Variants in CERKL observed in about 807,000 individuals in gnomAD.
The protein encoded by CERKL is ceramide kinase-like protein.
In CERKL, 61 loss-of-function variants were observed where a neutral mutation model predicts 63.4. That is an observed-to-expected ratio of 0.96 (90% CI 0.78 to 1.19). The LOEUF (loss-of-function observed/expected upper bound fraction) is 1.19, where lower values mean the gene tolerates loss of function less well. CERKL is among the 50% of genes most tolerant of loss of function. CERKL has a pLI of 0.00. For synonymous variants in CERKL, 250 were observed against 230.5 expected, an observed-to-expected ratio of 1.08 and a Z score of -0.77; for missense variants, 675 against 655.5, an observed-to-expected ratio of 1.03 and a Z score of -0.33.
chr2:181,635,761 T>G (rs1687153656), intron 1 of CERKL, among the ~76,000 whole-genome samples: 1 of 152,164 alleles, frequency 6.6e-6, no homozygotes, highest in Non-Finnish European at 1.5e-5. Context: ...AACATGGATA[T>G]TTTAAGAAGT....
At chr2:181,538,971 T>A in intron 12 of CERKL, 121 bp downstream of exon 12, 1 of 759,820 alleles carries the variant, frequency 1.3e-6, no homozygotes, top group South Asian at 1.5e-5. Flanking sequence ...CTTCCCTGAT[T>A]TACTGATTTT....
intron 11 of CERKL, among the ~76,000 whole-genome samples, chr2:181,542,536 T>C (rs897309377): frequency 6.6e-6 from 1 of 152,080 alleles, no homozygotes; most frequent in Non-Finnish European, 1.5e-5. Flanking sequence ...GTGTGGATAA[T>C]TAACAAATCA....
At chr2:181,547,286 G>T (rs904954126) in intron 10 of CERKL, among the ~76,000 whole-genome samples, 1 of 152,146 alleles carries the variant, frequency 6.6e-6, no homozygotes, top group Non-Finnish European at 1.5e-5. Flanking sequence ...AAGTTGGAAA[G>T]CAAAGACATT....
chr2:181,614,940 TA>T, intron 1 of CERKL, among the ~76,000 whole-genome samples: 1 of 152,382 alleles, frequency 6.6e-6, no homozygotes, highest in Non-Finnish European at 1.5e-5. Flanking sequence ...CAAGTTATGA[TA>T]ATTAAATCCT....
chr2:181,605,178 T>C (rs1279874098), intron 1 of CERKL, among the ~76,000 whole-genome samples: 1 of 152,202 alleles, frequency 6.6e-6, no homozygotes, highest in Non-Finnish European at 1.5e-5. Flanking sequence ...ACCTATTGCC[T>C]GCAGAGAATC....
intron 3 of CERKL, among the ~76,000 whole-genome samples, chr2:181,573,309 A>C (rs1688987762): frequency 6.6e-6 from 1 of 152,192 alleles, no homozygotes; most frequent in Admixed American, 6.5e-5. Flanking sequence ...TAAAACCAGC[A>C]GTTCAGTGCT....
At chr2:181,542,304 A>G (rs1333159418) in intron 11 of CERKL, among the ~76,000 whole-genome samples, 2 of 152,222 alleles carry the variant, frequency 1.3e-5, no homozygotes, top group East Asian at 1.9e-4. Flanking sequence ...AGTGTTATAC[A>G]GTAACATTCG....
chr2:181,656,243 G>A (rs1167857514), intron 1 of CERKL, among the ~76,000 whole-genome samples: 2 of 152,016 alleles, frequency 1.3e-5, no homozygotes, highest in East Asian at 3.9e-4. Context: ...GTGAGGGGCA[G>A]AAAAAAACCC....
At chr2:181,570,422 A>G (rs1574459345) in intron 3 of CERKL, among the ~76,000 whole-genome samples, 1 of 152,188 alleles carries the variant, frequency 6.6e-6, no homozygotes, top group African/African-American at 2.4e-5. Flanking sequence ...TATCTGTCAC[A>G]CCTTTAATGG....
chr2:181,554,739 A>T (rs1688134457), intron 5 of CERKL, among the ~76,000 whole-genome samples: 1 of 151,428 alleles, frequency 6.6e-6, no homozygotes, highest in African/African-American at 2.4e-5. Flanking sequence ...TTTACTAAAC[A>T]CTCTCCCTCT....
chr2:181,563,094 A>C (rs1160572063), intron 4 of CERKL, among the ~76,000 whole-genome samples: 1 of 152,134 alleles, frequency 6.6e-6, no homozygotes. Flanking sequence ...TGCAAGTGTT[A>C]CTGCTTCAAG....
Position 181,609,532 on chromosome 2 carries a change from C to T in CERKL, c.239-5453G>A, listed in dbSNP as rs1480862847. ...CCACCATGGTGAAACCCTGTCTCTACTAAAAAAAAAAAAAAAAAAAAAAAT... is the reference window on the plus strand; with the variant it reads ...CCACCATGGTGAAACCCTGTCTCTATTAAAAAAAAAAAAAAAAAAAAAAAT... On this transcript the variant is annotated intron_variant, in intron 1 of 12. Transcript: ENST00000410087. Among the ~76,000 whole-genome samples the T allele has an allele frequency of 4.9e-4, 8 of 16,328 alleles. 1 individual carries two copies. Among genetic ancestry groups the T allele is most frequent in the Admixed American group, 7.0e-4 (1 of 1,434 alleles). 10.7% of individuals were successfully genotyped at this position (16,328 alleles called of 152,430 possible). A position where few individuals can be genotyped will look rare whatever the true frequency, so the allele number is the denominator to read the frequency against.
chr2:181,575,001 A>G (rs1689068125), intron 2 of CERKL, among the ~76,000 whole-genome samples: 1 of 152,186 alleles, frequency 6.6e-6, no homozygotes, highest in South Asian at 2.1e-4. Context: ...AGCCTGCATC[A>G]GCCTCCAATC....
intron 1 of CERKL, among the ~76,000 whole-genome samples, chr2:181,619,662 A>T (rs113951682): frequency 6.6e-6 from 1 of 152,160 alleles, no homozygotes; most frequent in East Asian, 1.9e-4. Context: ...ATTTCCTAGC[A>T]CATGGAAGGC....
At chr2:181,623,933 A>G (rs888730073) in intron 1 of CERKL, among the ~76,000 whole-genome samples, 8 of 152,172 alleles carry the variant, frequency 5.3e-5, no homozygotes, top group African/African-American at 1.9e-4. Context: ...AATATATTAT[A>G]TATACCCCAT....
intron 3 of CERKL, among the ~76,000 whole-genome samples, chr2:181,568,918 G>A (rs2105838529): frequency 6.7e-6 from 1 of 149,816 alleles, no homozygotes; most frequent in East Asian, 2.0e-4. Context: ...ATGCTGAAGT[G>A]GTTAAGTATA....
At chr2:181,565,572 T>A in intron 4 of CERKL, 2 of 1,179,926 alleles carry the variant, frequency 1.7e-6, no homozygotes, top group South Asian at 2.5e-5. Flanking sequence ...TTATTTCTTA[T>A]TGTTTCTGGA....
intron 1 of CERKL, among the ~76,000 whole-genome samples, chr2:181,622,666 G>C (rs1434443032): frequency 1.3e-5 from 2 of 152,098 alleles, no homozygotes; most frequent in Non-Finnish European, 2.9e-5. Context: ...TAGATCACAT[G>C]TCATCTTTTT....
At chr2:181,628,579 T>A (rs953674249) in intron 1 of CERKL, among the ~76,000 whole-genome samples, 1 of 152,192 alleles carries the variant, frequency 6.6e-6, no homozygotes, top group African/African-American at 2.4e-5. Context: ...GGATTTGGAA[T>A]CCTGGAAACC....
Sources: allele counts gnomAD v4.1 joint callset (sites outside exome capture counted in the v4.1 genomes callset), GRCh38; gene constraint gnomAD v4.1.1; transcripts MANE v1.5; gene names NCBI Gene and HGNC (gene_info 2026-07-23, HGNC 2026-07-21).